The following HDX variants were observed in gnomAD, a reference collection of about 807,000 sequenced individuals.
The protein encoded by HDX is highly divergent homeobox, also known as chromosome X open reading frame 43.
In HDX, 19 loss-of-function variants were observed where a neutral mutation model predicts 45.2. That is an observed-to-expected ratio of 0.42 (90% confidence interval 0.29 to 0.62). The LOEUF is 0.62. Among genes scored for constraint, HDX ranks in the 20% least tolerant of loss-of-function variants. The pLI is 0.20. For missense variants in HDX, 532 were observed against 493.9 expected, an observed-to-expected ratio of 1.08 and a Z score of -0.73; for synonymous variants, 188 against 172.8, an observed-to-expected ratio of 1.09 and a Z score of -0.69.
intron 5 of HDX, among the ~76,000 whole-genome samples, chrX:84,377,563 C>T (rs761479171): frequency 2.7e-5 from 3 of 111,202 alleles, no homozygotes; most frequent in East Asian, 2.9e-4. Context: ...ATAATTAAAA[C>T]GAATCAAGCA....
chrX:84,466,909 A>G (rs1470955945), intron 4 of HDX, among the ~76,000 whole-genome samples: 1 of 111,712 alleles, frequency 9.0e-6, no homozygotes, highest in Non-Finnish European at 1.9e-5. Context: ...TTGGTTATAT[A>G]AAGTGACCAA....
intron 5 of HDX, among the ~76,000 whole-genome samples, chrX:84,425,701 C>A (rs1400831288): frequency 9.0e-6 from 1 of 111,080 alleles, no homozygotes; most frequent in Non-Finnish European, 1.9e-5. Context: ...ATAAGCCAGG[C>A]ACAGAAAGGC....
chrX:84,367,680 G>T (rs1382334426), intron 5 of HDX, among the ~76,000 whole-genome samples: 1 of 112,078 alleles, frequency 8.9e-6, no homozygotes, highest in Non-Finnish European at 1.9e-5. Context: ...CATAAAAAAG[G>T]ATGAGTTCAT....
intron 5 of HDX, among the ~76,000 whole-genome samples, chrX:84,364,404 A>T (rs1426153687): frequency 1.8e-5 from 2 of 109,158 alleles, no homozygotes; most frequent in African/African-American, 3.3e-5. Context: ...TGTGACATCA[A>T]CCTTCCTAAC....
intron 4 of HDX, among the ~76,000 whole-genome samples, chrX:84,465,639 G>A (rs1425671931): frequency 8.9e-6 from 1 of 111,775 alleles, no homozygotes; most frequent in Non-Finnish European, 1.9e-5. Context: ...ATGGACACAG[G>A]GAGAGGAACA....
intron 5 of HDX, among the ~76,000 whole-genome samples, chrX:84,399,166 G>C (rs781690956): frequency 9.0e-6 from 1 of 110,623 alleles, no homozygotes; most frequent in South Asian, 3.8e-4. Flanking sequence ...ATCTATGGAA[G>C]CAAGAGCAAA....
chrX:84,405,588 C>CTTTTTTTTTTTTTTTTTTTTTTTT (rs55758874), intron 5 of HDX, among the ~76,000 whole-genome samples: 1 of 58,209 alleles, frequency 1.7e-5, no homozygotes, highest in African/African-American at 6.3e-5. Context: ...GGATTTTCTG[C>CTTTTTTTTTTTTTTTTTTTTTTTT]TTTTTTTTTT....
At chrX:84,413,791 G>A (rs2039040358) in intron 5 of HDX, among the ~76,000 whole-genome samples, 1 of 111,360 alleles carries the variant, frequency 9.0e-6, no homozygotes, top group Non-Finnish European at 1.9e-5. Flanking sequence ...GCCCTTTACT[G>A]AGATTCCTAG....
Position 84,369,826 on chromosome X carries a change from A to T in HDX, c.1306-8214T>A, listed in dbSNP as rs368239079. The stretch of plus-strand genomic sequence containing the variant: ...TTTGGTATTGAGTTGTAGGAGTTGT[A>T]AAAATATATTCCTGATATTAACATC... On this transcript the variant is annotated intron_variant, in intron 5 of 10. Transcript: ENST00000373177. Among the ~76,000 whole-genome samples the T allele has an allele frequency of 7.1e-5, 8 of 112,048 alleles. No homozygotes were observed. The East Asian group carries it at 1.7e-3, about 23-fold the overall frequency.
intron 5 of HDX, among the ~76,000 whole-genome samples, chrX:84,434,767 T>C (rs1431249063): frequency 8.9e-6 from 1 of 111,751 alleles, no homozygotes; most frequent in Non-Finnish European, 1.9e-5. Context: ...TTTAAAGGTG[T>C]GGTAGAATTC....
chrX:84,416,536 T>C (rs1458940840), intron 5 of HDX, among the ~76,000 whole-genome samples: 4 of 111,031 alleles, frequency 3.6e-5, no homozygotes, highest in African/African-American at 1.3e-4. Flanking sequence ...ATATTTATCT[T>C]CCTACTAGAC....
intron 6 of HDX, among the ~76,000 whole-genome samples, chrX:84,345,887 G>A (rs12393095): frequency 1.8e-3 from 200 of 110,934 alleles, no homozygotes; most frequent in Middle Eastern, 4.6e-3. Flanking sequence ...ATCTTTCCAT[G>A]TGCTTATTTA....
chrX:84,433,619 T>G (rs1435174250), intron 5 of HDX, among the ~76,000 whole-genome samples: 1 of 111,902 alleles, frequency 8.9e-6, no homozygotes, highest in Non-Finnish European at 1.9e-5. Flanking sequence ...TTTGGTAGTG[T>G]GATGCCTCCT....
chrX:84,408,526 T>C (rs1278264635), intron 5 of HDX, among the ~76,000 whole-genome samples: 12 of 96,793 alleles, frequency 1.2e-4, no homozygotes, highest in African/African-American at 4.0e-4. Flanking sequence ...TTTTTTTGCT[T>C]ACAATTCCTT....
At chrX:84,499,937 T>C (rs529313418) in intron 1 of HDX, 2 of 112,279 alleles carry the variant, frequency 1.8e-5, no homozygotes, top group South Asian at 3.6e-4. Context: ...CAATATAAGA[T>C]AGCAATTGTA....
At chrX:84,447,448 A>G (rs1050726756) in intron 4 of HDX, among the ~76,000 whole-genome samples, 4 of 111,524 alleles carry the variant, frequency 3.6e-5, no homozygotes, top group Admixed American at 2.8e-4. Context: ...GACACCCAGT[A>G]GTACACATTT....
intron 5 of HDX, among the ~76,000 whole-genome samples, chrX:84,393,292 T>C (rs909371197): frequency 1.4e-4 from 16 of 111,925 alleles, no homozygotes; most frequent in African/African-American, 5.2e-4. Flanking sequence ...GCTTTTGTTC[T>C]TCATTCTGTT....
At chrX:84,333,685 G>T in intron 9 of HDX, 74 bp downstream of exon 9, 2 of 449,804 alleles carry the variant, frequency 4.4e-6, no homozygotes, top group Non-Finnish European at 8.0e-6. Context: ...TTAAATAGGA[G>T]TAATATAGGT....
At chrX:84,324,211 C>A (rs1284207189) in intron 10 of HDX, among the ~76,000 whole-genome samples, 1 of 111,449 alleles carries the variant, frequency 9.0e-6, no homozygotes, top group Admixed American at 9.6e-5. Context: ...CCAAAATATT[C>A]TGTGGACCAC....
Sources: allele counts gnomAD v4.1 joint callset (sites outside exome capture counted in the v4.1 genomes callset), GRCh38; gene constraint gnomAD v4.1.1; transcripts MANE v1.5; gene names NCBI Gene and HGNC (gene_info 2026-07-23, HGNC 2026-07-21).